The following CALN1 variants were observed in gnomAD, a reference collection of about 807,000 sequenced individuals.
The protein encoded by CALN1 is calneuron 1.
CALN1 carries 17 observed loss-of-function variants against 30.6 expected under a neutral mutation model. That is an observed-to-expected ratio of 0.56 (90% confidence interval 0.38 to 0.83). The LOEUF is 0.83. Among genes scored for constraint, CALN1 ranks in the 40% least tolerant of loss-of-function variants. The pLI is 0.00. For missense variants in CALN1, 291 were observed against 354.9 expected, an observed-to-expected ratio of 0.82 and a Z score of 1.45; for synonymous variants, 156 against 131.4, an observed-to-expected ratio of 1.19 and a Z score of -1.28.
At chr7:71,937,799 C>A (rs951082981) in intron 5 of CALN1, among the ~76,000 whole-genome samples, 1 of 152,158 alleles carries the variant, frequency 6.6e-6, no homozygotes, top group Non-Finnish European at 1.5e-5. Flanking sequence ...TATTTGAAGG[C>A]TGTAGCCATA....
intron 5 of CALN1, among the ~76,000 whole-genome samples, chr7:71,822,977 A>G (rs981938797): frequency 6.6e-6 from 1 of 152,198 alleles, no homozygotes; most frequent in Non-Finnish European, 1.5e-5. Flanking sequence ...TGTCATCCAA[A>G]TATCTGCTAG....
At position 71,988,703 on chromosome 7, in the gene CALN1, G is replaced by T. The variant is rs563078974; in HGVS notation, c.501+34954C>A. On this transcript the variant is annotated intron_variant, in intron 5 of 6. Coordinates refer to ENST00000395275, the MANE Select transcript of CALN1 (RefSeq NM_031468.4). ...CCCTAGCTATGAGAATGAGATCCAG[G>T]CACAGACGCTGACCCGGGCCATCGA... Among the ~76,000 whole-genome samples, 11 of 152,280 alleles carry T rather than the reference G, an allele frequency of 7.2e-5. No individual in the cohort carries two copies. In the East Asian group the frequency reaches 2.1e-3, roughly 29 times the overall value.
chr7:71,879,975 A>G (rs948034374), intron 5 of CALN1, among the ~76,000 whole-genome samples: 1 of 152,108 alleles, frequency 6.6e-6, no homozygotes, highest in African/African-American at 2.4e-5. Flanking sequence ...AAATCCTTGA[A>G]AAAACAGAGG....
At chr7:71,948,017 G>A (rs1217581374) in intron 5 of CALN1, among the ~76,000 whole-genome samples, 14 of 152,066 alleles carry the variant, frequency 9.2e-5, no homozygotes, top group African/African-American at 1.7e-4. Flanking sequence ...TCCACAGAGG[G>A]GCAGTGCATT....
At chr7:71,889,776 G>A (rs752968220) in intron 5 of CALN1, among the ~76,000 whole-genome samples, 6 of 152,250 alleles carry the variant, frequency 3.9e-5, no homozygotes, top group East Asian at 1.9e-4. Context: ...CCAACATGGC[G>A]AAACCCTGTC....
chr7:71,968,709 T>C (rs992235989), intron 5 of CALN1, among the ~76,000 whole-genome samples: 1 of 151,670 alleles, frequency 6.6e-6, no homozygotes, highest in Non-Finnish European at 1.5e-5. Flanking sequence ...TTCTCTATCT[T>C]TAATGTAGTG....
intron 5 of CALN1, among the ~76,000 whole-genome samples, chr7:71,975,332 T>C (rs1439399181): frequency 6.6e-6 from 1 of 152,186 alleles, no homozygotes; most frequent in Non-Finnish European, 1.5e-5. Flanking sequence ...GTAGTCTCTA[T>C]CCCATCCACC....
At chr7:71,920,184 C>T (rs557920308) in intron 5 of CALN1, among the ~76,000 whole-genome samples, 55 of 152,208 alleles carry the variant, frequency 3.6e-4, no homozygotes, top group African/African-American at 1.3e-3. Flanking sequence ...TTGGAAACAC[C>T]GGTCTGTATC....
At chr7:72,432,171 A>G (rs374624353) in intron 1 of CALN1, among the ~76,000 whole-genome samples, 2 of 150,190 alleles carry the variant, frequency 1.3e-5, no homozygotes, top group Admixed American at 6.6e-5. Flanking sequence ...TGTTCTGGTC[A>G]TAGTGAGTGA....
intron 4 of CALN1, among the ~76,000 whole-genome samples, chr7:72,086,161 T>C (rs971235707): frequency 6.6e-5 from 10 of 152,204 alleles, no homozygotes; most frequent in African/African-American, 1.9e-4. Flanking sequence ...GAATAGATCA[T>C]TGGATCCACT....
At chr7:72,052,693 G>T (rs923598786) in intron 4 of CALN1, among the ~76,000 whole-genome samples, 1 of 152,304 alleles carries the variant, frequency 6.6e-6, no homozygotes, top group South Asian at 2.1e-4. Flanking sequence ...GAAATCTACA[G>T]CCAGGCAGAG....
chr7:72,128,494 G>C (rs577916037), intron 3 of CALN1, among the ~76,000 whole-genome samples: 24 of 152,204 alleles, frequency 1.6e-4, no homozygotes, highest in Admixed American at 9.8e-4. Flanking sequence ...AAAAACATGA[G>C]AATTTTTAAA....
chr7:71,928,448 C>CAA (rs60088732), intron 5 of CALN1, among the ~76,000 whole-genome samples: 6,151 of 99,844 alleles, frequency 0.062, 239 homozygotes, highest in East Asian at 0.16. Context: ...CTTTTAATGG[C>CAA]AAAAAAAAAA....
rs372898324 is a variant in CALN1, at chr7:71,828,369, T to C, written c.502-17877A>G. On this transcript the variant is annotated intron_variant, in intron 5 of 6. Coordinates refer to ENST00000395275, the MANE Select transcript of CALN1 (RefSeq NM_031468.4). ...CATCCTAATCCTGAGAACCTATAAA[T>C]GGGTTACCTTACATGGTAAAAGGGC... Among the ~76,000 whole-genome samples, 48 of 152,166 alleles carry C rather than the reference T, an allele frequency of 3.2e-4. No individual in the cohort carries two copies. In the South Asian group the frequency reaches 9.8e-3, roughly 31 times the overall value.
chr7:72,328,784 C>T (rs879816869), intron 2 of CALN1, among the ~76,000 whole-genome samples: 3 of 152,226 alleles, frequency 2.0e-5, no homozygotes, highest in South Asian at 2.1e-4. Context: ...CAACCTCCGC[C>T]TCCTGGGTTC....
intron 2 of CALN1, among the ~76,000 whole-genome samples, chr7:72,352,217 C>CA (rs1802960028): frequency 6.6e-6 from 1 of 150,938 alleles, no homozygotes; most frequent in African/African-American, 2.4e-5. Context: ...AAAGTTATCC[C>CA]AACTCTACTA....
At chr7:72,499,829 CTTTCTTT>C in the CALN1 span, among the ~76,000 whole-genome samples, 7 of 25,424 alleles carry the variant, frequency 2.8e-4, no homozygotes, top group Non-Finnish European at 3.5e-4. Flanking sequence ...TTCCTTCCTT[CTTTCTTT>C]CTTTCTTTCT....
the CALN1 span, among the ~76,000 whole-genome samples, chr7:72,496,682 G>C: frequency 1.3e-5 from 2 of 152,112 alleles, no homozygotes; most frequent in African/African-American, 4.8e-5. Flanking sequence ...TAAGACCTGG[G>C]CAACAAAGCA....
intron 2 of CALN1, among the ~76,000 whole-genome samples, chr7:72,347,734 A>G (rs938066497): frequency 2.0e-5 from 3 of 152,210 alleles, no homozygotes; most frequent in Non-Finnish European, 4.4e-5. Flanking sequence ...GCTATCCACT[A>G]AATTCTGAAT....
Sources: gnomAD v4.1 joint callset for allele counts (sites outside exome capture counted in the v4.1 genomes callset) on GRCh38, gnomAD v4.1.1 for gene constraint, MANE v1.5 for transcripts, NCBI Gene and HGNC (gene_info 2026-07-23, HGNC 2026-07-21) for gene names.